CCDC14: variants seen among roughly 807,000 people sequenced by gnomAD.
The protein encoded by CCDC14 is coiled-coil domain containing 14, also known as coiled-coil domain-containing protein 14.
CCDC14 carries 71 observed loss-of-function variants against 81.4 expected under a neutral mutation model. That is an observed-to-expected ratio of 0.87 (90% CI 0.72 to 1.06). The LOEUF is 1.06. Ranked by LOEUF, CCDC14 falls within the 50% of genes least tolerant of loss-of-function variation. The probability of loss-of-function intolerance (pLI) is 0.00; values close to 1 mark genes in which losing one functional copy is unlikely to be tolerated. For missense variants in CCDC14, 1,046 were observed against 1,047.3 expected, an observed-to-expected ratio of 1.00 and a Z score of 0.02; for synonymous variants, 332 against 364.8, an observed-to-expected ratio of 0.91 and a Z score of 1.03.
chr3:123,948,575 AAAC>A lies in CCDC14; in HGVS notation c.684+113_684+115del, dbSNP rs2036803868. 6 of 858,106 alleles carry A rather than the reference AAAC, an allele frequency of 7.0e-6. No homozygotes were observed. In the South Asian group the frequency reaches 8.9e-5, roughly 13 times the overall value. The allele number at this position is 858,106 out of a possible 1,614,324, so 53.2% of individuals were successfully genotyped here. A position where few individuals can be genotyped will look rare whatever the true frequency, so the allele number is the denominator to read the frequency against. On this transcript the variant is annotated intron_variant, in intron 7 of 12. Coordinates refer to ENST00000409697, the MANE Select transcript of CCDC14 (RefSeq NM_001366335.1). ...TAAAACTTTTATAGCAAAAAAAAAT[AAAC>A]AACTGGTCTTTAAATCCTAGTGCAT... is the stretch of plus-strand genomic sequence containing the variant.
At chr3:123,948,424 T>C (rs1372483461) in intron 7 of CCDC14, among the ~76,000 whole-genome samples, 1 of 152,074 alleles carries the variant, frequency 6.6e-6, no homozygotes, top group Admixed American at 6.5e-5. Flanking sequence ...GTATTTTTCG[T>C]AGAGGTGGGG....
chr3:123,906,833 AT>A (rs1441949665), intron 5 of CCDC14, among the ~76,000 whole-genome samples: 3 of 152,192 alleles, frequency 2.0e-5, no homozygotes, highest in Non-Finnish European at 4.4e-5. Flanking sequence ...TATCAAAACT[AT>A]TATGTTTAAT....
At position 123,948,921 on chromosome 3, in the gene CCDC14, T is replaced by G. The variant is rs752415196; in HGVS notation, c.564A>C (p.Val188=). 1 of 1,613,808 alleles carries G rather than the reference T, an allele frequency of 6.2e-7. No homozygotes were observed. The highest frequency in any genetic ancestry group is 1.1e-5 in the South Asian group (1 of 91,028). The part of the protein sequence containing the change: ...SKNIPNGIPA[V]PCHAPSHSES... ...CAGAATGAGAGGGAGCATGGCATGG[T>G]ACAGCAGGAATTCCATTAGGGATGT... The change falls in exon 6 of 13, where the codon GTA becomes GTC. Residue 188 remains valine (V), a synonymous_variant. Coordinates refer to ENST00000409697, the MANE Select transcript of CCDC14 (RefSeq NM_001366335.1).
At chr3:123,946,666 G>A in intron 8 of CCDC14, 137 bp downstream of exon 8, 3 of 844,248 alleles carry the variant, frequency 3.6e-6, no homozygotes, top group Non-Finnish European at 5.5e-6. Context: ...AATACAATAA[G>A]TAGAACTCAT....
At chr3:123,886,365 TTTCTTTCTTTCC>T in the CCDC14 span, among the ~76,000 whole-genome samples, 2 of 119,990 alleles carry the variant, frequency 1.7e-5, no homozygotes, top group Non-Finnish European at 4.2e-5. Context: ...TCTTTTTTTC[TTTCTTTCTTTCC>T]TTCTTTCCTT....
chr3:123,898,719 G>T lies in CCDC14; in HGVS notation c.668-1106C>A, dbSNP rs548825162. The stretch of plus-strand genomic sequence containing the variant: ...TTCTTTTTCTTTGAGACAGGGTCTT[G>T]CTCTGTCACCCAGACTAGAGTGCAG... On this transcript the variant is annotated intron_variant, in intron 5 of 5. Transcript: ENST00000479903. Among the ~76,000 whole-genome samples the T allele has an allele frequency of 6.6e-5, 10 of 152,252 alleles. No individual in the cohort carries two copies. The South Asian group carries it at 2.1e-3, about 32-fold the overall frequency.
At chr3:123,958,264 C>A (rs557614765) in intron 1 of CCDC14, 1 of 151,962 alleles carries the variant, frequency 6.6e-6, no homozygotes, top group African/African-American at 2.4e-5. Flanking sequence ...AATACTATAC[C>A]CTGGATCGAG....
chr3:123,907,546 CA>C (rs1387020348), intron 5 of CCDC14, among the ~76,000 whole-genome samples: 14 of 149,182 alleles, frequency 9.4e-5, no homozygotes, highest in Admixed American at 1.3e-4. Flanking sequence ...TGTCTCCACA[CA>C]AAAAAAAAAA....
chr3:123,892,284 C>G, the CCDC14 span, among the ~76,000 whole-genome samples: 1 of 152,214 alleles, frequency 6.6e-6, no homozygotes, highest in Non-Finnish European at 1.5e-5. Context: ...GTGGGTTGCA[C>G]CCTCTGAAGC....
intron 9 of CCDC14, among the ~76,000 whole-genome samples, chr3:123,936,903 T>TCTC (rs1169342253): frequency 6.6e-6 from 1 of 152,060 alleles, no homozygotes; most frequent in Non-Finnish European, 1.5e-5. Context: ...TTCATAACTC[T>TCTC]CTCCTCCCAG....
At chr3:123,944,300 T>G (rs898395925) in intron 9 of CCDC14, among the ~76,000 whole-genome samples, 6 of 152,172 alleles carry the variant, frequency 3.9e-5, no homozygotes, top group Non-Finnish European at 7.4e-5. Context: ...CAGGGCCATG[T>G]GCCTTGTTTC....
chr3:123,931,376 T>C lies in CCDC14; in HGVS notation c.1577A>G (p.Lys526Arg). The C allele has an allele frequency of 2.0e-6, 3 of 1,521,522 alleles. No homozygotes were observed. The highest frequency in any genetic ancestry group is 2.7e-6 in the Non-Finnish European group (3 of 1,119,880). 94.3% of individuals were successfully genotyped at this position (1,521,522 alleles called of 1,614,324 possible). Residue 526 changes from lysine (K) to arginine (R), a missense_variant, in exon 11 of 13, where the codon AAA (lysine) becomes AGA (arginine). Transcript: ENST00000409697. ...DENKKFSSIFKDKDQTILENK... is the reference protein window; with the variant it reads ...DENKKFSSIFRDKDQTILENK... ...TTCAAGTATAGTTTGATCTTTGTCT[T>C]TAAATATACTACTAAATTTTTTGTT...
At chr3:123,922,497 G>A (rs896011434) in intron 12 of CCDC14, among the ~76,000 whole-genome samples, 3 of 151,876 alleles carry the variant, frequency 2.0e-5, no homozygotes, top group African/African-American at 4.8e-5. Flanking sequence ...GGAGAGAGAA[G>A]ACTTAAATGA....
At chr3:123,956,689 A>G (rs2037345276) in intron 2 of CCDC14, 51 bp downstream of exon 2, 2 of 1,415,498 alleles carry the variant, frequency 1.4e-6, no homozygotes, top group Non-Finnish European at 1.9e-6. Context: ...CAGCCCAAAG[A>G]CCTGAAAAAT....
chr3:123,895,484 A>C (rs1384594889), downstream of CCDC14, among the ~76,000 whole-genome samples: 1 of 152,212 alleles, frequency 6.6e-6, no homozygotes, highest in Non-Finnish European at 1.5e-5. Context: ...CTAGTTCTCA[A>C]GTCTAGCTGC....
At chr3:123,956,630 T>G in intron 2 of CCDC14, 110 bp downstream of exon 2, 1 of 854,554 alleles carries the variant, frequency 1.2e-6, no homozygotes, top group Non-Finnish European at 1.8e-6. Flanking sequence ...CCTCAGAGCT[T>G]GTGATGGTAG....
At chr3:123,956,024 CA>C in intron 4 of CCDC14, 21 bp downstream of exon 4, 3 of 1,527,110 alleles carry the variant, frequency 2.0e-6, no homozygotes, top group Non-Finnish European at 2.6e-6. Flanking sequence ...AGGTGATCAG[CA>C]AAGAATTAAA....
At chr3:123,908,190 T>C (rs993660909) in intron 5 of CCDC14, among the ~76,000 whole-genome samples, 6 of 152,156 alleles carry the variant, frequency 3.9e-5, no homozygotes, top group Non-Finnish European at 7.4e-5. Flanking sequence ...TTCTGTAAGA[T>C]ACCAACGTGG....
At chr3:123,897,710 T>G (rs1441231941) in intron 5 of CCDC14, 1 of 515,472 alleles carries the variant, frequency 1.9e-6, no homozygotes, top group African/African-American at 2.1e-5. Flanking sequence ...ATATTCTACT[T>G]TTATAAACCT....
Sources: allele counts gnomAD v4.1 joint callset (sites outside exome capture counted in the v4.1 genomes callset), GRCh38; gene constraint gnomAD v4.1.1; transcripts MANE v1.5; gene names NCBI Gene and HGNC (gene_info 2026-07-23, HGNC 2026-07-21).